Variants in SPTLC1 observed in about 807,000 individuals in gnomAD.
SPTLC1 encodes the protein serine palmitoyltransferase 1.
In SPTLC1, 55 loss-of-function variants were observed where a neutral mutation model predicts 68.9. The observed-to-expected ratio is 0.80, with a 90% confidence interval of 0.64 to 1.00. The LOEUF is 1.00. Ranked by LOEUF, SPTLC1 falls within the 50% of genes least tolerant of loss-of-function variation. The pLI is 0.00. For missense variants in SPTLC1, 449 were observed against 573.1 expected, an observed-to-expected ratio of 0.78 and a Z score of 2.21; for synonymous variants, 197 against 201.6, an observed-to-expected ratio of 0.98 and a Z score of 0.19.
chr9:92,050,810 G>GCTTTTTTT (rs1564088122), intron 8 of SPTLC1: 1 of 72,268 alleles, frequency 1.4e-5, no homozygotes, highest in Non-Finnish European at 2.2e-5. Context: ...GCACAATACT[G>GCTTTTTTT]ATTTTTTTTT....
At chr9:92,084,960 TTA>T (rs1835052161) in intron 3 of SPTLC1, among the ~76,000 whole-genome samples, 1 of 152,236 alleles carries the variant, frequency 6.6e-6, no homozygotes, top group Non-Finnish European at 1.5e-5. Context: ...TCTTCCTGGT[TTA>T]GTCTTGGAAG....
chr9:92,053,224 G>A (rs776356066), intron 8 of SPTLC1, among the ~76,000 whole-genome samples: 1 of 151,924 alleles, frequency 6.6e-6, no homozygotes, highest in Non-Finnish European at 1.5e-5. Context: ...TGCTCACTAG[G>A]GTGGCTAAAA....
At chr9:92,086,648 C>T (rs946117306) in intron 3 of SPTLC1, among the ~76,000 whole-genome samples, 2 of 152,022 alleles carry the variant, frequency 1.3e-5, no homozygotes, top group Admixed American at 6.6e-5. Context: ...GTGGGTAACC[C>T]AACCTTTCTC....
intron 3 of SPTLC1, among the ~76,000 whole-genome samples, chr9:92,104,028 C>A (rs138848505): frequency 0.021 from 3,199 of 152,246 alleles, 108 homozygotes; most frequent in African/African-American, 0.074. Context: ...CTTGTAGGCA[C>A]CCTCGCTGGG....
chr9:92,055,279 A>C, intron 8 of SPTLC1, 126 bp downstream of exon 8: 2 of 1,531,642 alleles, frequency 1.3e-6, no homozygotes, highest in African/African-American at 2.7e-5. Context: ...GATCTGAGCA[A>C]AATATGCTTA....
chr9:92,046,221 T>C (rs1833508883), intron 11 of SPTLC1, 168 bp from the exon 12 acceptor site: 2 of 659,330 alleles, frequency 3.0e-6, no homozygotes, highest in African/African-American at 3.6e-5. Context: ...AAGCTTTGTC[T>C]CTGGTGCGTG....
At chr9:92,109,688 T>G in intron 2 of SPTLC1, 1 of 152,474 alleles carries the variant, frequency 6.6e-6, no homozygotes, top group Non-Finnish European at 1.5e-5. Context: ...AAATTTCATT[T>G]TAGGCCGGGC....
intron 3 of SPTLC1, among the ~76,000 whole-genome samples, chr9:92,081,691 G>T (rs1420487181): frequency 6.6e-6 from 1 of 152,168 alleles, no homozygotes; most frequent in African/African-American, 2.4e-5. Flanking sequence ...CAAGTTAGTT[G>T]GTCACAATCA....
At chr9:92,097,006 T>C (rs1007164013) in intron 3 of SPTLC1, among the ~76,000 whole-genome samples, 1 of 152,192 alleles carries the variant, frequency 6.6e-6, no homozygotes, top group Non-Finnish European at 1.5e-5. Context: ...TGAAAACAGC[T>C]AAGTGATTAA....
intron 3 of SPTLC1, among the ~76,000 whole-genome samples, chr9:92,090,622 C>CAAA (rs897259161): frequency 1.3e-4 from 12 of 93,890 alleles, no homozygotes; most frequent in African/African-American, 6.9e-4. Context: ...AAAAAACAAA[C>CAAA]AAAAAAAAAT....
chr9:92,059,926 G>A (rs1435309532), intron 6 of SPTLC1, among the ~76,000 whole-genome samples: 1 of 152,062 alleles, frequency 6.6e-6, no homozygotes, highest in Non-Finnish European at 1.5e-5. Flanking sequence ...CCTATCAGTT[G>A]GTAACAAGTG....
rs113503016 is a variant in SPTLC1, at chr9:92,080,700, T to C, written c.354+170A>G. 1.5e-3 allele frequency among the ~76,000 whole-genome samples: 227 copies of C among 152,200 alleles called. 1 individual carries two copies. Among genetic ancestry groups the C allele is most frequent in the African/African-American group, 4.2e-3 (175 of 41,532 alleles). On this transcript the variant is annotated intron_variant, in intron 4 of 14. Coordinates refer to ENST00000262554, the MANE Select transcript of SPTLC1 (RefSeq NM_006415.4). ...ACTACAGGCATGTGCCACCATGCCC[T>C]GCTAATTTTTGTATTTTTTGGTAGA...
At chr9:92,080,793 G>T in intron 4 of SPTLC1, 77 bp downstream of exon 4, 1 of 1,217,884 alleles carries the variant, frequency 8.2e-7, no homozygotes, top group South Asian at 1.2e-5. Context: ...ACCACGCCCA[G>T]CCTGCCTTTG....
chr9:92,037,403 G>A (rs944039031), intron 13 of SPTLC1, among the ~76,000 whole-genome samples: 1 of 152,178 alleles, frequency 6.6e-6, no homozygotes, highest in Admixed American at 6.5e-5. Flanking sequence ...TCTTCTCAAA[G>A]GAGCAGCAGC....
At chr9:92,061,885 AC>A (rs1462900156) in intron 6 of SPTLC1, among the ~76,000 whole-genome samples, 1 of 152,192 alleles carries the variant, frequency 6.6e-6, no homozygotes, top group Non-Finnish European at 1.5e-5. Context: ...CAATTAGCCC[AC>A]AGAAAGGCAG....
chr9:92,084,275 T>C (rs1182424316), intron 3 of SPTLC1, among the ~76,000 whole-genome samples: 1 of 150,894 alleles, frequency 6.6e-6, no homozygotes, highest in East Asian at 1.9e-4. Context: ...CTTCCAACAC[T>C]ATGTTGAATA....
chr9:92,093,630 A>G (rs756885498), intron 3 of SPTLC1, among the ~76,000 whole-genome samples: 12 of 152,252 alleles, frequency 7.9e-5, no homozygotes, highest in Non-Finnish European at 1.5e-4. Context: ...ATATAAAGAC[A>G]GTAATAAATG....
chr9:92,039,563 A>C (rs1833269940), intron 12 of SPTLC1, among the ~76,000 whole-genome samples: 1 of 152,130 alleles, frequency 6.6e-6, no homozygotes, highest in African/African-American at 2.4e-5. Context: ...TTGACTTTTG[A>C]CCTACCTCCT....
rs186591245 is a variant in SPTLC1 at position 92,094,555 on chromosome 9, G to A, written c.261-13592C>T. Among the ~76,000 whole-genome samples the A allele has an allele frequency of 6.4e-3, 978 of 152,224 alleles. 8 individuals are homozygous for A. Among genetic ancestry groups the A allele is most frequent in the Non-Finnish European group, 0.01 (684 of 68,012 alleles). ...TCTCCTTGCTCTTGGCAGTGTCTTG[G>A]CATTTCTTACCAGCATGCTCCACTA... On this transcript the variant is annotated intron_variant, in intron 3 of 14. Transcript: ENST00000262554.
Sources: gnomAD v4.1 joint callset for allele counts (sites outside exome capture counted in the v4.1 genomes callset) on GRCh38, gnomAD v4.1.1 for gene constraint, MANE v1.5 for transcripts, NCBI Gene and HGNC (gene_info 2026-07-23, HGNC 2026-07-21) for gene names.